Variants in ENTREP2 observed in about 807,000 individuals in gnomAD.
ENTREP2 encodes protein ENTREP2.
At chr15:29,224,750 G>C in the ENTREP2 span, among the ~76,000 whole-genome samples, 1 of 152,200 alleles carries the variant, frequency 6.6e-6, no homozygotes, top group Non-Finnish European at 1.5e-5. Flanking sequence ...ATCCGGCACC[G>C]GGCCGCAGGT....
At chr15:29,189,982 A>C in the ENTREP2 span, among the ~76,000 whole-genome samples, 1 of 152,162 alleles carries the variant, frequency 6.6e-6, no homozygotes, top group Non-Finnish European at 1.5e-5. Flanking sequence ...TGAAATCCTA[A>C]TTTTTAGACC....
At chr15:29,343,506 CT>C in the ENTREP2 span, among the ~76,000 whole-genome samples, 27 of 152,202 alleles carry the variant, frequency 1.8e-4, no homozygotes, top group African/African-American at 6.5e-4. Context: ...CCCTGCTGCC[CT>C]ACAGATTTCA....
At chr15:29,295,166 A>C in the ENTREP2 span, among the ~76,000 whole-genome samples, 1 of 152,358 alleles carries the variant, frequency 6.6e-6, no homozygotes, top group Admixed American at 6.5e-5. Context: ...CTTCCAGAGG[A>C]AATAATGAAT....
At chr15:29,672,153 A>AT in the ENTREP2 span, among the ~76,000 whole-genome samples, 9 of 151,946 alleles carry the variant, frequency 5.9e-5, no homozygotes, top group East Asian at 1.9e-4. Flanking sequence ...TACCCGGCTA[A>AT]TTTTTTTTAT....
the ENTREP2 span, chr15:29,268,295 C>A: frequency 6.6e-6 from 1 of 152,666 alleles, no homozygotes; most frequent in South Asian, 2.1e-4. Flanking sequence ...ACACTCATTG[C>A]TTGGAACCAT....
At chr15:29,321,431 C>A in the ENTREP2 span, among the ~76,000 whole-genome samples, 3 of 152,054 alleles carry the variant, frequency 2.0e-5, no homozygotes, top group African/African-American at 7.2e-5. Context: ...GGGTGGATCA[C>A]AAGGTCAGGA....
At chr15:29,403,950 C>T in the ENTREP2 span, among the ~76,000 whole-genome samples, 2 of 152,180 alleles carry the variant, frequency 1.3e-5, no homozygotes, top group Non-Finnish European at 2.9e-5. Flanking sequence ...CTGCAGGGCC[C>T]GCAGGCTGCT....
the ENTREP2 span, among the ~76,000 whole-genome samples, chr15:29,132,749 A>C: frequency 6.6e-6 from 1 of 152,206 alleles, no homozygotes; most frequent in Non-Finnish European, 1.5e-5. Context: ...GAGGTCAGAC[A>C]TTGAATGGCA....
chr15:29,575,410 G>GT, the ENTREP2 span, among the ~76,000 whole-genome samples: 2 of 152,128 alleles, frequency 1.3e-5, no homozygotes, highest in African/African-American at 4.8e-5. Context: ...ATAATCAATG[G>GT]TGAGAGACTG....
At chr15:29,211,116 T>C in the ENTREP2 span, among the ~76,000 whole-genome samples, 4 of 152,124 alleles carry the variant, frequency 2.6e-5, no homozygotes, top group South Asian at 8.3e-4. Flanking sequence ...ATGGAAAGAG[T>C]AAAAAATCAA....
chr15:29,250,854 C>CCCTT, the ENTREP2 span, among the ~76,000 whole-genome samples: 9 of 152,178 alleles, frequency 5.9e-5, no homozygotes, highest in Middle Eastern at 3.2e-3. Context: ...GGGTCTACAC[C>CCCTT]ATACCGAGAA....
At chr15:29,331,288 G>A in the ENTREP2 span, among the ~76,000 whole-genome samples, 4 of 152,276 alleles carry the variant, frequency 2.6e-5, no homozygotes, top group African/African-American at 9.6e-5. Flanking sequence ...CCCGCCGGGA[G>A]GAGGGAAAAG....
the ENTREP2 span, among the ~76,000 whole-genome samples, chr15:29,224,058 G>GT: frequency 6.6e-6 from 1 of 152,168 alleles, no homozygotes; most frequent in Non-Finnish European, 1.5e-5. Context: ...CACACTGAGT[G>GT]TTACAGTTCT....
the ENTREP2 span, among the ~76,000 whole-genome samples, chr15:29,411,562 G>A: frequency 2.6e-5 from 4 of 152,310 alleles, no homozygotes; most frequent in Admixed American, 6.5e-5. Context: ...ATTTGTGGGA[G>A]TTCACTACAT....
the ENTREP2 span, among the ~76,000 whole-genome samples, chr15:29,491,663 C>T: frequency 6.6e-6 from 1 of 152,154 alleles, no homozygotes; most frequent in Admixed American, 6.5e-5. Flanking sequence ...CTGTATTTTC[C>T]TTCAACTTCT....
At chr15:29,261,864 T>C in the ENTREP2 span, among the ~76,000 whole-genome samples, 2 of 151,322 alleles carry the variant, frequency 1.3e-5, no homozygotes, top group Admixed American at 1.3e-4. Context: ...AAGATAAATA[T>C]ATTGCCTTAA....
the ENTREP2 span, among the ~76,000 whole-genome samples, chr15:29,392,229 A>T: frequency 1.3e-5 from 2 of 149,894 alleles, no homozygotes; most frequent in Admixed American, 6.6e-5. Flanking sequence ...CCCAAAGTGC[A>T]GGGATTACAG....
At chr15:29,168,969 G>A in the ENTREP2 span, among the ~76,000 whole-genome samples, 1 of 152,302 alleles carries the variant, frequency 6.6e-6, no homozygotes, top group East Asian at 1.9e-4. Flanking sequence ...GATCATCTGT[G>A]TAAATAATCG....
the ENTREP2 span, among the ~76,000 whole-genome samples, chr15:29,474,242 C>G: frequency 6.6e-6 from 1 of 152,136 alleles, no homozygotes; most frequent in Non-Finnish European, 1.5e-5. Context: ...ACCTACGGTT[C>G]AGGGAAACCA....
Sources: allele counts gnomAD v4.1 joint callset (sites outside exome capture counted in the v4.1 genomes callset), GRCh38; gene constraint gnomAD v4.1.1; transcripts MANE v1.5; gene names NCBI Gene and HGNC (gene_info 2026-07-23, HGNC 2026-07-21).